NFATC2: variants seen among roughly 807,000 people sequenced by gnomAD.
NFATC2 encodes the protein nuclear factor of activated T cells 2.
NFATC2 carries 22 observed loss-of-function variants against 87.3 expected under a neutral mutation model. The ratio of observed to expected loss-of-function variants is 0.25; its 90% CI spans 0.18 to 0.36. The LOEUF is 0.36. NFATC2 is among the 10% of genes least tolerant of loss of function. The probability of loss-of-function intolerance (pLI) is 1.00; values close to 1 mark genes in which losing one functional copy is unlikely to be tolerated. For missense variants in NFATC2, 1,149 were observed against 1,259.1 expected (o/e 0.91, Z 1.32); for synonymous variants, 565 against 542.2 (o/e 1.04, Z -0.58).
intron 10 of NFATC2, among the ~76,000 whole-genome samples, chr20:51,396,011 G>A (rs6013172): frequency 0.024 from 3,167 of 132,636 alleles, 147 homozygotes; most frequent in African/African-American, 0.083. Context: ...ATTGACCCAA[G>A]AGCTGTAGTT....
chr20:51,414,406 G>A (rs369938121), intron 9 of NFATC2, among the ~76,000 whole-genome samples: 2 of 152,232 alleles, frequency 1.3e-5, no homozygotes, highest in African/African-American at 4.8e-5. Context: ...TCACAGCAGA[G>A]AGCCAGGCAT....
intron 3 of NFATC2, among the ~76,000 whole-genome samples, chr20:51,496,558 G>C (rs901223704): frequency 2.0e-5 from 3 of 151,776 alleles, no homozygotes; most frequent in Non-Finnish European, 4.4e-5. Flanking sequence ...CTCTATTATA[G>C]GTCTTATCTC....
chr20:51,539,841 C>T (rs986883488), intron 1 of NFATC2, among the ~76,000 whole-genome samples: 9 of 152,088 alleles, frequency 5.9e-5, no homozygotes, highest in Admixed American at 5.9e-4. Context: ...TTCTGTGCTG[C>T]CTACTTCTCA....
intron 1 of NFATC2, among the ~76,000 whole-genome samples, chr20:51,531,075 C>G (rs1294011155): frequency 6.6e-6 from 1 of 152,240 alleles, no homozygotes; most frequent in Non-Finnish European, 1.5e-5. Flanking sequence ...TCACAGCCAC[C>G]TACCCACTGG....
chr20:51,485,085 C>T (rs1311961219), intron 3 of NFATC2, among the ~76,000 whole-genome samples: 1 of 152,222 alleles, frequency 6.6e-6, no homozygotes, highest in Non-Finnish European at 1.5e-5. Context: ...CAAGCACGCT[C>T]ACTCAAGAGA....
At chr20:51,550,035 C>T (rs1164554436) in intron 1 of NFATC2, among the ~76,000 whole-genome samples, 2 of 152,156 alleles carry the variant, frequency 1.3e-5, no homozygotes. Flanking sequence ...ATACACTGAA[C>T]ATATTGTTGG....
At chr20:51,490,514 A>G (rs1434750516) in intron 3 of NFATC2, among the ~76,000 whole-genome samples, 2 of 152,202 alleles carry the variant, frequency 1.3e-5, no homozygotes, top group Non-Finnish European at 2.9e-5. Flanking sequence ...TGGTTACTGA[A>G]TCTCTCCACA....
intron 10 of NFATC2, among the ~76,000 whole-genome samples, chr20:51,395,650 TAAGCCTGCAACTGGAAAGGA>T (rs1334165464): frequency 1.3e-4 from 19 of 147,822 alleles, no homozygotes; most frequent in Non-Finnish European, 1.6e-4. Flanking sequence ...GGGTGACTAC[TAAGCCTGCAACTGGAAAGGA>T]AAAAGTGAAC....
Position 51,491,877 on chromosome 20 carries a change from TACACACACAC to T in NFATC2, c.1333-16227_1333-16218del, listed in dbSNP as rs33936990. Among the ~76,000 whole-genome samples, 20 of 57,410 alleles carry T rather than the reference TACACACACAC, an allele frequency of 3.5e-4. 1 individual carries two copies. Among genetic ancestry groups the T allele is most frequent in the Admixed American group, 5.4e-4 (3 of 5,556 alleles). The allele number at this position is 57,410 out of a possible 152,430, so 37.7% of individuals were successfully genotyped here. ...ACCCCCACCAACACACACATACACA[TACACACACAC>T]ACACACACACACACACACACACACA... is the stretch of plus-strand genomic sequence containing the variant. On this transcript the variant is annotated intron_variant, in intron 3 of 10. Transcript: ENST00000371564.
Position 51,523,496 on chromosome 20 carries a change from C to T in NFATC2, c.745G>A (p.Gly249Ser). 2 of 1,612,576 alleles carry T rather than the reference C, an allele frequency of 1.2e-6. No individual in the cohort carries two copies. Among genetic ancestry groups the T allele is most frequent in the South Asian group, 2.2e-5 (2 of 90,988 alleles). Residue 249 changes from glycine to serine, a missense_variant, in exon 2 of 11, where the codon GGT (glycine) becomes AGT (serine). Transcript: ENST00000371564. This position sits in a 1 kb window ranked among gnomAD's most constrained non-coding sequence, Gnocchi z 6.9. ...PRPASRSSSPGAKRRHSCAEA... is the reference protein window; with the variant it reads ...PRPASRSSSPSAKRRHSCAEA... ...GCGCACGAATGCCTCCGCTTGGCAC[C>T]AGGCGATGAGGAGCGGGAGGCCGGA...
intron 10 of NFATC2, among the ~76,000 whole-genome samples, chr20:51,391,975 C>CT (rs1265409408): frequency 1.3e-5 from 2 of 152,166 alleles, no homozygotes; most frequent in Non-Finnish European, 2.9e-5. Context: ...TTTTTCAAAT[C>CT]TTTGTGGCAG....
chr20:51,452,477 A>G (rs1296812609), intron 6 of NFATC2, among the ~76,000 whole-genome samples: 1 of 152,128 alleles, frequency 6.6e-6, no homozygotes, highest in Non-Finnish European at 1.5e-5. Context: ...CTCCCATGAC[A>G]ACATCTGCAG....
chr20:51,508,507 CT>C (rs1489257434), intron 3 of NFATC2, among the ~76,000 whole-genome samples: 2 of 152,218 alleles, frequency 1.3e-5, no homozygotes, highest in East Asian at 3.9e-4. Context: ...CATCAAAAGA[CT>C]GGTATAGACA....
intron 10 of NFATC2, among the ~76,000 whole-genome samples, chr20:51,397,901 G>GAGAGGT (rs1196186206): frequency 1.3e-5 from 2 of 152,214 alleles, no homozygotes; most frequent in Non-Finnish European, 2.9e-5. Context: ...CTGAGGCACA[G>GAGAGGT]AGAGGTAATG....
intron 9 of NFATC2, among the ~76,000 whole-genome samples, chr20:51,421,309 C>T (rs1301994862): frequency 6.6e-6 from 1 of 152,058 alleles, no homozygotes; most frequent in Non-Finnish European, 1.5e-5. Flanking sequence ...TCTTCCCCAG[C>T]CACAAGGAGG....
chr20:51,480,839 G>A lies in NFATC2; in HGVS notation c.1333-5179C>T, dbSNP rs562589440. Among the ~76,000 whole-genome samples, 3 of 152,324 alleles carry A rather than the reference G, an allele frequency of 2.0e-5. No homozygotes were observed. The East Asian group carries it at 5.8e-4, about 29-fold the overall frequency. ...GAAACGAGAACTTTCCTTGTCATCG[G>A]AGGATGACGCAAATCGAAACAGGGA... is the stretch of plus-strand genomic sequence containing the variant. On this transcript the variant is annotated intron_variant, in intron 3 of 10. Transcript: ENST00000371564. This position sits in a 1 kb window ranked among gnomAD's most constrained non-coding sequence, Gnocchi z 4.2.
intron 9 of NFATC2, among the ~76,000 whole-genome samples, chr20:51,412,996 GC>G (rs56307156): frequency 0.78 from 66,840 of 85,900 alleles, 25,196 homozygotes; most frequent in Non-Finnish European, 0.81. Flanking sequence ...CGCTCCCGCC[GC>G]CCCCCCCCCT....
rs189302058 is a variant in NFATC2, at chr20:51,408,230, C to T, written c.2723-9500G>A. 1.3e-3 allele frequency among the ~76,000 whole-genome samples: 193 copies of T among 152,248 alleles called. 3 individuals are homozygous for T. Among genetic ancestry groups the T allele is most frequent in the East Asian group, 3.9e-4 (2 of 5,184 alleles). On this transcript the variant is annotated intron_variant, in intron 9 of 10. Transcript: ENST00000371564. Reference sequence around the variant, plus strand: ...GAAAAAACACCATAAAAATTCAATACTGGCCAGGTGTGGTGGCTCACGCCT... The same window carrying T: ...GAAAAAACACCATAAAAATTCAATATTGGCCAGGTGTGGTGGCTCACGCCT...
In NFATC2 at chr20:51,435,239, T is replaced by G; in HGVS notation, c.1981A>C (p.Ile661Leu). 6.2e-7 allele frequency: 1 copy of G among 1,614,192 alleles called. No homozygotes were observed. The highest frequency in any genetic ancestry group is 1.7e-5 in the Admixed American group (1 of 60,028). The change falls in exon 8 of 11, where the codon ATC becomes CTC. Residue 661 changes from isoleucine to leucine, a missense_variant. Physicochemically the swap from Ile to Leu is conservative, Grantham distance 5 (BLOSUM62 2). Around this residue, in one of 3 missense-constraint regions of NFATC2, gnomAD observed 581 missense variants for 649.7 expected, o/e 0.89. Coordinates refer to ENST00000371564, the MANE Select transcript of NFATC2 (RefSeq NM_012340.5). ...RTPVKVNFYV[I>L]NGKRKRSQPQ... Reference sequence around the variant, plus strand: ...TGACTTCGTTTTCTCTTCCCATTGATGACGTAGAAGTTCACTTTTACAGGT... The same window carrying G: ...TGACTTCGTTTTCTCTTCCCATTGAGGACGTAGAAGTTCACTTTTACAGGT...
Sources: allele counts gnomAD v4.1 joint callset (sites outside exome capture counted in the v4.1 genomes callset), GRCh38; gene constraint gnomAD v4.1.1; regional missense constraint gnomAD v4.1.1; non-coding constraint Gnocchi (gnomAD v3.1); transcripts MANE v1.5; gene names NCBI Gene and HGNC (gene_info 2026-07-23, HGNC 2026-07-21).